CYREN: variants seen among roughly 807,000 people sequenced by gnomAD.
The protein encoded by CYREN is cell cycle regulator of non-homologous end joining.
A neutral mutation model predicts 9.7 loss-of-function variants in CYREN; 7 were observed. The ratio of observed to expected loss-of-function variants is 0.72; its 90% CI spans 0.41 to 1.36. CYREN has a LOEUF of 1.36. Among genes scored for constraint, CYREN ranks in the 40% most tolerant of loss-of-function variants. The pLI, the probability that CYREN is intolerant of heterozygous loss-of-function variation, is 0.01. For missense variants in CYREN, 215 were observed against 198.1 expected (o/e 1.09, Z -0.51); for synonymous variants, 76 against 77.9 (o/e 0.98, Z 0.13).
intron 2 of CYREN, among the ~76,000 whole-genome samples, chr7:135,113,427 A>G (rs529600183): frequency 6.6e-6 from 1 of 152,294 alleles, no homozygotes; most frequent in South Asian, 2.1e-4. Flanking sequence ...TATAAATTAT[A>G]TTATTTTGCC....
At chr7:135,119,233 AAT>A (rs777888915) in intron 2 of CYREN, among the ~76,000 whole-genome samples, 1 of 149,290 alleles carries the variant, frequency 6.7e-6, no homozygotes, top group Non-Finnish European at 1.5e-5. Flanking sequence ...CCAAAATTTA[AAT>A]TTTTTTTTTT....
intron 2 of CYREN, among the ~76,000 whole-genome samples, chr7:135,137,836 A>T (rs973646447): frequency 6.6e-6 from 1 of 152,048 alleles, no homozygotes; most frequent in Non-Finnish European, 1.5e-5. Flanking sequence ...GTGTCCAGTG[A>T]GGGCAGTCAT....
At chr7:135,105,564 GCTCT>G (rs756736965) in intron 2 of CYREN, among the ~76,000 whole-genome samples, 13 of 152,254 alleles carry the variant, frequency 8.5e-5, no homozygotes, top group Non-Finnish European at 1.3e-4. Flanking sequence ...TTATTTCTGG[GCTCT>G]CTATTTGGTT....
intron 2 of CYREN, among the ~76,000 whole-genome samples, chr7:135,139,602 T>C (rs1419223040): frequency 6.6e-6 from 1 of 152,134 alleles, no homozygotes; most frequent in Non-Finnish European, 1.5e-5. Flanking sequence ...AATTTTTGTT[T>C]TTGTTGCAAT....
intron 2 of CYREN, among the ~76,000 whole-genome samples, chr7:135,121,562 A>AAAAAAC (rs1309455889): frequency 6.6e-6 from 1 of 152,186 alleles, no homozygotes; most frequent in Admixed American, 6.5e-5. Flanking sequence ...GAAAAAAAAA[A>AAAAAAC]AAAAACCTAA....
At chr7:135,119,054 A>G (rs1420462095) in intron 2 of CYREN, among the ~76,000 whole-genome samples, 1 of 152,164 alleles carries the variant, frequency 6.6e-6, no homozygotes, top group East Asian at 1.9e-4. Flanking sequence ...AATAATATTC[A>G]CATATCGTAG....
chr7:135,122,238 TC>T (rs1827239091), intron 2 of CYREN, among the ~76,000 whole-genome samples: 1 of 152,136 alleles, frequency 6.6e-6, no homozygotes, highest in African/African-American at 2.4e-5. Context: ...CAAGACATGT[TC>T]CCCAAAGCCC....
At chr7:135,092,688 C>T (rs908758077) in exon 3 of CYREN, 1 of 151,902 alleles carries the variant, frequency 6.6e-6, no homozygotes, top group Non-Finnish European at 1.5e-5. Flanking sequence ...AAAGGTTTCT[C>T]AGAAAAGGTA....
intron 2 of CYREN, among the ~76,000 whole-genome samples, chr7:135,154,096 C>T (rs577480553): frequency 6.6e-6 from 1 of 152,218 alleles, no homozygotes; most frequent in East Asian, 1.9e-4. Context: ...TCTATTTCCT[C>T]TAGTTTTTCT....
At chr7:135,148,270 T>G in intron 2 of CYREN, 1 of 365,568 alleles carries the variant, frequency 2.7e-6, no homozygotes, top group South Asian at 2.1e-5. Flanking sequence ...ACCTCCTTTC[T>G]GTAAGTACCG....
chr7:135,111,047 TCCTA>T (rs762391801), intron 2 of CYREN, among the ~76,000 whole-genome samples: 2 of 152,186 alleles, frequency 1.3e-5, no homozygotes, highest in African/African-American at 4.8e-5. Context: ...CCTCTCTCTC[TCCTA>T]CCTAACATCT....
At position 135,147,532 on chromosome 7, in the gene CYREN, G is replaced by C. The variant is rs919520439; in HGVS notation, n.356+21217C>G. On this transcript the variant is annotated intron_variant and non_coding_transcript_variant, in intron 2 of 2. Coordinates refer to the CYREN transcript ENST00000459937. ...CTTACAAAAATAAAAGCTTTGTTCG[G>C]CTCTTATTTTGAAATAAAATAGATG... Among the ~76,000 whole-genome samples, 6 of 152,160 alleles carry C rather than the reference G, an allele frequency of 3.9e-5. No homozygotes were observed. The East Asian group carries it at 5.8e-4, about 15-fold the overall frequency.
At chr7:135,114,816 A>G (rs1278411438) in intron 2 of CYREN, among the ~76,000 whole-genome samples, 1 of 152,140 alleles carries the variant, frequency 6.6e-6, no homozygotes, top group Non-Finnish European at 1.5e-5. Flanking sequence ...CAAATCTCAG[A>G]CTGACACTCC....
chr7:135,101,012 C>T, intron 2 of CYREN: 1 of 356,132 alleles, frequency 2.8e-6, no homozygotes, highest in South Asian at 2.2e-5. Flanking sequence ...TATAACATGG[C>T]TATTACATTA....
intron 3 of CYREN, chr7:135,167,163 C>A: frequency 2.0e-6 from 2 of 985,356 alleles, no homozygotes; most frequent in Non-Finnish European, 2.4e-6. Flanking sequence ...CTAGAAAGGC[C>A]GGTGACAGAA....
At chr7:135,135,598 CA>C (rs1232615018) in intron 2 of CYREN, 1 of 174,552 alleles carries the variant, frequency 5.7e-6, no homozygotes, top group Non-Finnish European at 1.2e-5. Context: ...GTAGGAATGA[CA>C]TATAATATGT....
At chr7:135,142,230 T>A (rs1829465871) in intron 2 of CYREN, among the ~76,000 whole-genome samples, 2 of 151,996 alleles carry the variant, frequency 1.3e-5, no homozygotes, top group Admixed American at 1.3e-4. Context: ...TTCAGACAAT[T>A]TATTTCATAA....
intron 2 of CYREN, among the ~76,000 whole-genome samples, chr7:135,126,692 C>T (rs1034367566): frequency 2.0e-5 from 3 of 152,012 alleles, no homozygotes; most frequent in East Asian, 3.9e-4. Context: ...TGCAACAGAA[C>T]GGAGACCTCA....
chr7:135,093,184 C>T (rs1403021317), exon 3 of CYREN: 1 of 150,458 alleles, frequency 6.6e-6, no homozygotes, highest in Admixed American at 6.6e-5. Flanking sequence ...AGGCTTCAGC[C>T]GGGCAATAAG....
Sources: gnomAD v4.1 joint callset for allele counts (sites outside exome capture counted in the v4.1 genomes callset) on GRCh38, gnomAD v4.1.1 for gene constraint, MANE v1.5 for transcripts, NCBI Gene and HGNC (gene_info 2026-07-23, HGNC 2026-07-21) for gene names.